The following CGN variants were observed in gnomAD, a reference collection of about 807,000 sequenced individuals.
CGN encodes the protein cingulin.
In CGN, 121 loss-of-function variants were observed where a neutral mutation model predicts 157.1. The ratio of observed to expected loss-of-function variants is 0.77; its 90% CI spans 0.66 to 0.90. CGN has a LOEUF of 0.90. CGN is among the 40% of genes least tolerant of loss of function. The pLI is 0.00. For missense variants in CGN, 1,424 were observed against 1,520.9 expected, an observed-to-expected ratio of 0.94 and a Z score of 1.06; for synonymous variants, 535 against 607.5, an observed-to-expected ratio of 0.88 and a Z score of 1.76.
In CGN at chr1:151,530,071, G is replaced by C. The variant is rs199743715; in HGVS notation, c.2269G>C (p.Glu757Gln). The C allele has an allele frequency of 8.1e-5, 130 of 1,613,948 alleles. No homozygotes were observed. The highest frequency in any genetic ancestry group is 1.1e-4 in the Non-Finnish European group (124 of 1,179,972). ...KETRGLVDGG[E>Q]AVEARLRDKL... is the part of the protein sequence containing the mutation. ...GACTCGAGGTCTGGTGGATGGTGGG[G>C]AAGCGGTGGAGGCACGACTACGGGA... The change falls in exon 12 of 21, where the codon GAA becomes CAA. Residue 757 changes from glutamate (E) to glutamine (Q), a missense_variant. Glu to Gln is a conservative substitution (Grantham distance 29, BLOSUM62 2). This residue lies in a region of CGN where 1,187 missense variants were observed against 1,217.6 expected (regional missense o/e 0.97). Coordinates refer to ENST00000271636, the MANE Select transcript of CGN (RefSeq NM_020770.3).
At chr1:151,529,062 G>C (rs1221770869) in intron 10 of CGN, among the ~76,000 whole-genome samples, 1 of 152,146 alleles carries the variant, frequency 6.6e-6, no homozygotes, top group Admixed American at 6.6e-5. Flanking sequence ...TGGACATCTG[G>C]GTTGTGTATC....
In CGN at chr1:151,511,785, C is replaced by A. The variant is rs1051006298; in HGVS notation, c.-15+270C>A. Among the ~76,000 whole-genome samples, 6 of 152,198 alleles carry A rather than the reference C, an allele frequency of 3.9e-5. No homozygotes were observed. Among genetic ancestry groups the A allele is most frequent in the African/African-American group, 1.4e-4 (6 of 41,452 alleles). On this transcript the variant is annotated intron_variant, in intron 1 of 20. Coordinates refer to ENST00000271636, the MANE Select transcript of CGN (RefSeq NM_020770.3). The surrounding 1 kb of genome is among the most constrained non-coding windows in gnomAD (Gnocchi z 4.8). ...TTCCCAGCGCATGAAAGCGTTTCAG[C>A]GCCAGATGTCTCTGGAGGTCAGACG...
intron 5 of CGN, 59 bp downstream of exon 5, chr1:151,520,750 T>G: frequency 7.1e-7 from 1 of 1,408,520 alleles, no homozygotes; most frequent in Non-Finnish European, 9.9e-7. Flanking sequence ...AGCCTTGGCC[T>G]GGAGATGGGC....
rs1310720518 is a variant in CGN at position 151,538,334 on chromosome 1, G to A, written c.*988G>A. ...GACCACATGTGCCCAACTTCAATAA[G>A]AGAACCAAGGGACCCTCATTTTCTG... On this transcript the variant is annotated 3_prime_UTR_variant, in exon 21 of 21. Transcript: ENST00000271636. 2 of 152,230 alleles carry A rather than the reference G, an allele frequency of 1.3e-5. No individual in the cohort carries two copies. Among genetic ancestry groups the A allele is most frequent in the Non-Finnish European group, 2.9e-5 (2 of 68,048 alleles). 9.4% of individuals were successfully genotyped at this position (152,230 alleles called of 1,614,324 possible). A position where few individuals can be genotyped will look rare whatever the true frequency, so the allele number is the denominator to read the frequency against.
At chr1:151,514,854 C>G (rs1033236932) in intron 1 of CGN, among the ~76,000 whole-genome samples, 1 of 152,084 alleles carries the variant, frequency 6.6e-6, no homozygotes, top group Admixed American at 6.6e-5. Context: ...TTCTATGAAC[C>G]AGGTGAAGCC....
intron 2 of CGN, 121 bp from the exon 3 acceptor site, chr1:151,520,045 T>C: frequency 1.4e-6 from 1 of 719,226 alleles, no homozygotes; most frequent in Non-Finnish European, 2.3e-6. Flanking sequence ...TCATCATGCT[T>C]GAAGGGACTT....
At chr1:151,528,900 T>A (rs1236258757) in intron 10 of CGN, among the ~76,000 whole-genome samples, 1 of 152,190 alleles carries the variant, frequency 6.6e-6, no homozygotes, top group Non-Finnish European at 1.5e-5. Context: ...AATCCTATAA[T>A]ATATGGGCCT....
In CGN at chr1:151,530,636, C is replaced by G. The variant is rs373395433; in HGVS notation, c.2461C>G (p.Arg821Gly). The G allele has an allele frequency of 6.2e-7, 1 of 1,601,620 alleles. No individual in the cohort carries two copies. Among genetic ancestry groups the G allele is most frequent in the Non-Finnish European group, 8.5e-7 (1 of 1,173,736 alleles). Residue 821 changes from arginine (R) to glycine (G), a missense_variant, in exon 13 of 21, where the codon CGG (arginine) becomes GGG (glycine). Physicochemically the swap from Arg to Gly is moderately radical, Grantham distance 125 (BLOSUM62 -2). This residue lies in a region of CGN where 1,187 missense variants were observed against 1,217.6 expected (regional missense o/e 0.97). Coordinates refer to ENST00000271636, the MANE Select transcript of CGN (RefSeq NM_020770.3). ...GGGGCAGGAGCAGCAGACACTGAACCGGGCCCTGGAGGAGGAAGGGAAGCA... is the reference window on the plus strand; with the variant it reads ...GGGGCAGGAGCAGCAGACACTGAACGGGGCCCTGGAGGAGGAAGGGAAGCA... ...RLGQEQQTLN[R>G]ALEEEGKQRE...
chr1:151,514,272 G>C (rs1664361144), intron 1 of CGN, among the ~76,000 whole-genome samples: 1 of 152,200 alleles, frequency 6.6e-6, no homozygotes, highest in Admixed American at 6.5e-5. Context: ...TTGCTCAAGG[G>C]TCTGTGCCCT....
Position 151,520,437 on chromosome 1 carries a change from TGAG to T in CGN, c.1004_1006del (p.Arg335del), listed in dbSNP as rs781404399. On this transcript the variant is annotated inframe_deletion, in exon 4 of 21. Coordinates refer to ENST00000271636, the MANE Select transcript of CGN (RefSeq NM_020770.3). ...AGAAGCTCAGAAAGTGAAACCTCTGTGAGGAGGAAGGTTAGTTTGGTGCTGGAG... is the reference window on the plus strand; with the variant it reads ...AGAAGCTCAGAAAGTGAAACCTCTGTGAGGAAGGTTAGTTTGGTGCTGGAG... 42 of 1,614,012 alleles carry T rather than the reference TGAG, an allele frequency of 2.6e-5. No individual in the cohort carries two copies. The highest frequency in any genetic ancestry group is 3.1e-5 in the Non-Finnish European group (36 of 1,179,980).
chr1:151,520,073 TCTC>T (rs2102490067), intron 2 of CGN, 90 bp from the exon 3 acceptor site: 3 of 906,704 alleles, frequency 3.3e-6, no homozygotes, highest in African/African-American at 1.7e-5. Flanking sequence ...GACTGCCACT[TCTC>T]CTCCATCTGA....
chr1:151,519,064 TCAA>T lies in CGN; in HGVS notation c.549_551del (p.Asn183del), dbSNP rs1664479532. 1 of 1,614,092 alleles carries T rather than the reference TCAA, an allele frequency of 6.2e-7. No individual in the cohort carries two copies. Among genetic ancestry groups the T allele is most frequent in the African/African-American group, 1.3e-5 (1 of 75,034 alleles). On this transcript the variant is annotated inframe_deletion, in exon 2 of 21. Coordinates refer to ENST00000271636, the MANE Select transcript of CGN (RefSeq NM_020770.3). ...CCCCTGTCTTCAGTGGACTCACTCA[TCAA>T]CAAGTTTGACAGTCAACTTGGAGGC...
In CGN at chr1:151,520,506, G is replaced by C. The variant is rs1479287360; in HGVS notation, c.1044+23G>C. 5 of 1,613,142 alleles carry C rather than the reference G, an allele frequency of 3.1e-6. No homozygotes were observed. In the African/African-American group the frequency reaches 6.7e-5, roughly 22 times the overall value. Reference sequence around the variant, plus strand: ...GTGGTGAGTGGCCTTCTCTGGATGGGAGCAAGGGTCAAGGTTAGAGCTTTG... The same window carrying C: ...GTGGTGAGTGGCCTTCTCTGGATGGCAGCAAGGGTCAAGGTTAGAGCTTTG... On this transcript the variant is annotated intron_variant, in intron 4 of 20. Coordinates refer to ENST00000271636, the MANE Select transcript of CGN (RefSeq NM_020770.3).
chr1:151,521,032 G>A (rs1450761810), intron 5 of CGN, among the ~76,000 whole-genome samples: 2 of 152,056 alleles, frequency 1.3e-5, no homozygotes, highest in Non-Finnish European at 2.9e-5. Flanking sequence ...GGCAATAGTA[G>A]TAGCTATCAT....
chr1:151,523,288 A>G (rs990513016), intron 5 of CGN, 146 bp from the exon 6 acceptor site: 112 of 571,744 alleles, frequency 2.0e-4, no homozygotes, highest in East Asian at 6.1e-5. Flanking sequence ...TATGAGGATT[A>G]GATGTGGATA....
intron 2 of CGN, 42 bp from the exon 3 acceptor site, chr1:151,520,124 T>G: frequency 1.3e-6 from 2 of 1,498,482 alleles, no homozygotes; most frequent in Admixed American, 2.0e-5. Context: ...TCCTATTTCT[T>G]TCTTTCTTTC....
intron 10 of CGN, among the ~76,000 whole-genome samples, chr1:151,528,221 T>C (rs913745286): frequency 2.0e-5 from 3 of 152,026 alleles, no homozygotes; most frequent in Middle Eastern, 3.4e-3. Flanking sequence ...TCTCCTGACC[T>C]TGTGATCCGC....
In CGN at chr1:151,537,544, G is replaced by A. The variant is rs1028979452; in HGVS notation, c.*198G>A. On this transcript the variant is annotated 3_prime_UTR_variant, in exon 21 of 21. Coordinates refer to ENST00000271636, the MANE Select transcript of CGN (RefSeq NM_020770.3). ...GATAGATGGACTTTCCACTGTAGGAGTGGACATTTCAAGCCAACTGAGCCT... is the reference window on the plus strand; with the variant it reads ...GATAGATGGACTTTCCACTGTAGGAATGGACATTTCAAGCCAACTGAGCCT... The A allele has an allele frequency of 5.9e-6, 3 of 505,450 alleles. No individual in the cohort carries two copies. The highest frequency in any genetic ancestry group is 3.8e-5 in the African/African-American group (2 of 52,204). 31.3% of individuals were successfully genotyped at this position (505,450 alleles called of 1,614,324 possible). A position where few individuals can be genotyped will look rare whatever the true frequency, so the allele number is the denominator to read the frequency against.
rs1208033912 is a variant in CGN, at chr1:151,518,754, G to A, written c.235G>A (p.Gly79Arg). 1 of 1,614,148 alleles carries A rather than the reference G, an allele frequency of 6.2e-7. No homozygotes were observed. The highest frequency in any genetic ancestry group is 1.1e-5 in the South Asian group (1 of 91,086). ...TGGGGAGAAAGGCGGTGACTCCTTTGGGGTCCAAATCAAGGGGGCCAATGA... is the reference window on the plus strand; with the variant it reads ...TGGGGAGAAAGGCGGTGACTCCTTTAGGGTCCAAATCAAGGGGGCCAATGA... ...NSGEKGGDSF[G>R]VQIKGANDQG... Residue 79 changes from glycine (G) to arginine (R), a missense_variant, in exon 2 of 21, where the codon GGG becomes AGG. Around this residue, in one of 3 missense-constraint regions of CGN, gnomAD observed 1,187 missense variants for 1,217.6 expected, o/e 0.97. Transcript: ENST00000271636.
Sources: gnomAD v4.1 joint callset for allele counts (sites outside exome capture counted in the v4.1 genomes callset) on GRCh38, gnomAD v4.1.1 for gene constraint, gnomAD v4.1.1 regional missense constraint, Gnocchi (gnomAD v3.1) non-coding constraint, MANE v1.5 for transcripts, NCBI Gene and HGNC (gene_info 2026-07-23, HGNC 2026-07-21) for gene names.